TUBGCP3: variants seen among roughly 807,000 people sequenced by gnomAD.
TUBGCP3 encodes the protein tubulin gamma complex component 3.
Under a neutral mutation model 123.1 loss-of-function variants are expected in TUBGCP3, and 50 were observed. The observed-to-expected ratio is 0.41, with a 90% CI of 0.32 to 0.51. TUBGCP3 has a LOEUF of 0.51. TUBGCP3 is among the 20% of genes least tolerant of loss of function. The pLI, the probability that TUBGCP3 is intolerant of heterozygous loss-of-function variation, is 0.36. For missense variants in TUBGCP3, 882 were observed against 1,127.0 expected (o/e 0.78, Z 3.11); for synonymous variants, 405 against 413.9 (o/e 0.98, Z 0.26).
In TUBGCP3 at chr13:112,520,019, G is replaced by T. The variant is rs769047033; in HGVS notation, c.1748C>A (p.Pro583Gln). The change falls in exon 15 of 22, where the codon CCA (proline) becomes CAA (glutamine). Residue 583 changes from proline to glutamine, a missense_variant and splice_region_variant. This residue lies in a region of TUBGCP3 where 713 missense variants were observed against 874.0 expected (regional missense o/e 0.82). Transcript: ENST00000261965. ...AGTCGTAGCTGGACGGACAAGTTCT[G>T]GTCTTAACAAATTTTTTAAAAATTA... Reference protein sequence around the residue: ...FIRHLMDLLKPELVRPATTLY... With the variant: ...FIRHLMDLLKQELVRPATTLY... 2 of 1,604,708 alleles carry T rather than the reference G, an allele frequency of 1.2e-6. No individual in the cohort carries two copies. Among genetic ancestry groups the T allele is most frequent in the East Asian group, 4.5e-5 (2 of 44,798 alleles).
At chr13:112,516,860 A>G (rs1032425471) in intron 16 of TUBGCP3, among the ~76,000 whole-genome samples, 2 of 151,766 alleles carry the variant, frequency 1.3e-5, no homozygotes, top group African/African-American at 2.4e-5. Flanking sequence ...ACTCCCCCCA[A>G]CCCGCCTGAG....
chr13:112,562,904 T>C (rs1880631553), intron 3 of TUBGCP3, among the ~76,000 whole-genome samples: 1 of 152,178 alleles, frequency 6.6e-6, no homozygotes, highest in African/African-American at 2.4e-5. Flanking sequence ...GATCTCAGCT[T>C]TCCCGGCACT....
chr13:112,521,857 A>C (rs368853423), intron 14 of TUBGCP3: 218 of 985,424 alleles, frequency 2.2e-4, no homozygotes, highest in Middle Eastern at 2.1e-3. Context: ...AAGGACATAC[A>C]TTTAACTCTG....
At chr13:112,543,033 C>G (rs529255479) in intron 11 of TUBGCP3, among the ~76,000 whole-genome samples, 2 of 152,292 alleles carry the variant, frequency 1.3e-5, no homozygotes, top group South Asian at 4.1e-4. Flanking sequence ...GCCTGTAGTT[C>G]CAGCTACTTG....
At chr13:112,575,835 CAT>C (rs1159102718) in intron 1 of TUBGCP3, among the ~76,000 whole-genome samples, 1 of 152,146 alleles carries the variant, frequency 6.6e-6, no homozygotes, top group African/African-American at 2.4e-5. Context: ...TCAACACACA[CAT>C]GGGCCAAGGA....
At chr13:112,509,884 G>A (rs1350484262) in intron 17 of TUBGCP3, among the ~76,000 whole-genome samples, 1 of 152,154 alleles carries the variant, frequency 6.6e-6, no homozygotes, top group Non-Finnish European at 1.5e-5. Flanking sequence ...TAGTCCTTTA[G>A]TTCCTAAAAA....
Position 112,527,437 on chromosome 13 carries a change from G to C in TUBGCP3, c.1383C>G (p.His461Gln). 6.2e-7 allele frequency: 1 copy of C among 1,609,694 alleles called. No individual in the cohort carries two copies. Among genetic ancestry groups the C allele is most frequent in the Non-Finnish European group, 8.5e-7 (1 of 1,178,910 alleles). ...TCGATTTCCTCAAAGTATACTTGTC[G>C]TGCCACAGTCGATCTGTTTTAACTG... ...DPTVKTDRLW[H>Q]DKYTLRKSMI... The change falls in exon 12 of 22, where the codon CAC (histidine) becomes CAG (glutamine). Residue 461 changes from histidine (H) to glutamine (Q), a missense_variant. This residue lies in a region of TUBGCP3 where 713 missense variants were observed against 874.0 expected (regional missense o/e 0.82). Coordinates refer to ENST00000261965, the MANE Select transcript of TUBGCP3 (RefSeq NM_006322.6).
At chr13:112,538,144 G>A (rs1305103598) in intron 11 of TUBGCP3, among the ~76,000 whole-genome samples, 1 of 152,140 alleles carries the variant, frequency 6.6e-6, no homozygotes, top group Non-Finnish European at 1.5e-5. Context: ...GGTTATATAG[G>A]TTGAGTATCC....
chr13:112,587,463 C>T (rs554856936), intron 1 of TUBGCP3: 7 of 160,904 alleles, frequency 4.4e-5, no homozygotes, highest in Non-Finnish European at 9.5e-5. Flanking sequence ...GCCGCTCTCT[C>T]CACCCCACAG....
intron 11 of TUBGCP3, among the ~76,000 whole-genome samples, chr13:112,543,113 G>C (rs1878665558): frequency 6.6e-6 from 1 of 152,176 alleles, no homozygotes. Context: ...TCGCGCCACT[G>C]CACTCCAGCC....
chr13:112,586,764 T>C (rs73570407), intron 1 of TUBGCP3, among the ~76,000 whole-genome samples: 1 of 152,088 alleles, frequency 6.6e-6, no homozygotes, highest in Non-Finnish European at 1.5e-5. Flanking sequence ...GACTTGTGCA[T>C]CTGCATCACC....
intron 19 of TUBGCP3, among the ~76,000 whole-genome samples, chr13:112,503,255 G>C (rs547125849): frequency 9.2e-5 from 14 of 152,342 alleles, no homozygotes; most frequent in African/African-American, 2.6e-4. Flanking sequence ...AATAAAAGGA[G>C]AACTCCAGGA....
At chr13:112,548,939 G>C (rs1198315825) in intron 8 of TUBGCP3, among the ~76,000 whole-genome samples, 1 of 152,166 alleles carries the variant, frequency 6.6e-6, no homozygotes, top group Non-Finnish European at 1.5e-5. Context: ...ATTCCTCAAG[G>C]ATCTAGAGCT....
At chr13:112,572,919 G>A (rs1376791195) in intron 1 of TUBGCP3, among the ~76,000 whole-genome samples, 1 of 151,950 alleles carries the variant, frequency 6.6e-6, no homozygotes. Flanking sequence ...GTCAAATAAC[G>A]CAGTATCTGT....
intron 4 of TUBGCP3, 62 bp from the exon 5 acceptor site, chr13:112,558,475 A>G (rs1030838425): frequency 3.7e-5 from 50 of 1,368,412 alleles, no homozygotes; most frequent in Non-Finnish European, 4.9e-5. Flanking sequence ...TCCCAAACCT[A>G]AAAAGGTCAT....
At chr13:112,582,360 T>C (rs759977568) in intron 1 of TUBGCP3, among the ~76,000 whole-genome samples, 3 of 152,182 alleles carry the variant, frequency 2.0e-5, no homozygotes, top group African/African-American at 7.2e-5. Flanking sequence ...ATAACAAATG[T>C]GGCACATAAG....
chr13:112,561,920 AT>A (rs1409146315), intron 3 of TUBGCP3, among the ~76,000 whole-genome samples: 1 of 152,218 alleles, frequency 6.6e-6, no homozygotes, highest in Non-Finnish European at 1.5e-5. Context: ...AGGAGGCAGC[AT>A]TTTTTAACTA....
chr13:112,537,148 T>TTTTAA (rs1555340956), intron 11 of TUBGCP3, among the ~76,000 whole-genome samples: 3 of 109,066 alleles, frequency 2.8e-5, no homozygotes, highest in Non-Finnish European at 5.2e-5. Context: ...TTTTTTTTTT[T>TTTTAA]AAAAAAAAAA....
At chr13:112,517,067 A>G (rs1245038200) in intron 16 of TUBGCP3, among the ~76,000 whole-genome samples, 1 of 151,942 alleles carries the variant, frequency 6.6e-6, no homozygotes, top group African/African-American at 2.4e-5. Flanking sequence ...CCCAGGCTGG[A>G]GTGTAGTGGT....
Sources: gnomAD v4.1 joint callset for allele counts (sites outside exome capture counted in the v4.1 genomes callset) on GRCh38, gnomAD v4.1.1 for gene constraint, gnomAD v4.1.1 regional missense constraint, MANE v1.5 for transcripts, NCBI Gene and HGNC (gene_info 2026-07-23, HGNC 2026-07-21) for gene names.